The following RARB variants were observed in gnomAD, a reference collection of about 807,000 sequenced individuals.
RARB encodes the protein HBV-activated protein.
Under a neutral mutation model 51.9 loss-of-function variants are expected in RARB, and 17 were observed. The ratio of observed to expected loss-of-function variants is 0.33; its 90% CI spans 0.22 to 0.49. The LOEUF (loss-of-function observed/expected upper bound fraction) is 0.49, where lower values mean the gene tolerates loss of function less well. Ranked by LOEUF, RARB falls within the 20% of genes least tolerant of loss-of-function variation. The pLI is 0.99. For synonymous variants in RARB, 215 were observed against 195.4 expected, an observed-to-expected ratio of 1.10 and a Z score of -0.84; for missense variants, 369 against 550.8, an observed-to-expected ratio of 0.67 and a Z score of 3.30.
At chr3:25,500,236 C>T (rs530908029) in intron 2 of RARB, among the ~76,000 whole-genome samples, 2 of 152,124 alleles carry the variant, frequency 1.3e-5, no homozygotes, top group East Asian at 3.9e-4. Context: ...TTTAAGTAGC[C>T]TCATGTGACT....
chr3:24,925,754 A>G (rs558423471), intron 2 of RARB, among the ~76,000 whole-genome samples: 23 of 151,668 alleles, frequency 1.5e-4, no homozygotes, highest in African/African-American at 5.6e-4. Flanking sequence ...CTTTCTTAGA[A>G]TTTTCAGGTT....
chr3:25,421,721 A>T (rs531742966), intron 5 of RARB, among the ~76,000 whole-genome samples: 2 of 152,024 alleles, frequency 1.3e-5, no homozygotes, highest in African/African-American at 4.8e-5. Context: ...GACATTTCCT[A>T]AGTACTTGTA....
chr3:25,191,365 G>T (rs541867866), intron 5 of RARB, among the ~76,000 whole-genome samples: 5 of 152,102 alleles, frequency 3.3e-5, no homozygotes, highest in African/African-American at 9.6e-5. Flanking sequence ...AAAGAATTTT[G>T]TTTATTCCAC....
chr3:25,500,402 G>GA (rs1241599657), intron 2 of RARB, among the ~76,000 whole-genome samples: 1 of 142,868 alleles, frequency 7.0e-6, no homozygotes, highest in Non-Finnish European at 1.5e-5. Flanking sequence ...AGACTCCTTT[G>GA]AAAAAACTAA....
At chr3:25,317,438 T>A (rs976411761) in intron 5 of RARB, among the ~76,000 whole-genome samples, 5 of 152,180 alleles carry the variant, frequency 3.3e-5, no homozygotes, top group Admixed American at 2.0e-4. Context: ...CAAATACGTA[T>A]TTTAATCTTG....
intron 3 of RARB, among the ~76,000 whole-genome samples, chr3:25,122,595 C>T (rs1699801578): frequency 1.3e-5 from 2 of 152,098 alleles, no homozygotes. Flanking sequence ...GACAAGTTAG[C>T]TCTCTTGAAG....
intron 4 of RARB, among the ~76,000 whole-genome samples, chr3:25,163,915 C>A (rs1463316413): frequency 1.3e-5 from 2 of 152,136 alleles, no homozygotes; most frequent in Non-Finnish European, 2.9e-5. Flanking sequence ...ACTTTCCTGG[C>A]CATAGGTCTT....
At chr3:25,212,789 A>G (rs565889376) in intron 5 of RARB, among the ~76,000 whole-genome samples, 76 of 152,206 alleles carry the variant, frequency 5.0e-4, no homozygotes, top group African/African-American at 1.7e-3. Context: ...TATATTACAA[A>G]CCTATGATTG....
At chr3:24,939,476 T>C (rs1309884513) in intron 2 of RARB, among the ~76,000 whole-genome samples, 2 of 152,198 alleles carry the variant, frequency 1.3e-5, no homozygotes, top group Non-Finnish European at 2.9e-5. Context: ...TATTCTCTTG[T>C]ATATTACAAT....
intron 4 of RARB, among the ~76,000 whole-genome samples, chr3:25,577,655 A>T (rs1358650777): frequency 6.6e-6 from 1 of 152,224 alleles, no homozygotes; most frequent in Non-Finnish European, 1.5e-5. Context: ...CTCCAGTGGG[A>T]TTTAAAGATG....
At chr3:25,041,090 A>G (rs544423753) in intron 2 of RARB, among the ~76,000 whole-genome samples, 1 of 152,202 alleles carries the variant, frequency 6.6e-6, no homozygotes, top group African/African-American at 2.4e-5. Flanking sequence ...TCTTCTTACA[A>G]CTTAAAATGG....
At chr3:25,001,689 G>A (rs564098943) in intron 2 of RARB, among the ~76,000 whole-genome samples, 5 of 152,310 alleles carry the variant, frequency 3.3e-5, no homozygotes, top group East Asian at 1.9e-4. Context: ...TCTAACATGC[G>A]AAATGTTGAT....
chr3:25,030,734 C>G (rs1697853908), intron 2 of RARB, among the ~76,000 whole-genome samples: 1 of 152,180 alleles, frequency 6.6e-6, no homozygotes, highest in Non-Finnish European at 1.5e-5. Flanking sequence ...TGCTGAAGAT[C>G]TGGCTTTTAC....
intron 5 of RARB, among the ~76,000 whole-genome samples, chr3:25,321,124 T>A (rs1451245731): frequency 6.6e-6 from 1 of 152,198 alleles, no homozygotes; most frequent in African/African-American, 2.4e-5. Context: ...CAAGGCACAA[T>A]AAGTTTAGGA....
chr3:25,311,725 C>G (rs1559353253), intron 5 of RARB, among the ~76,000 whole-genome samples: 1 of 152,144 alleles, frequency 6.6e-6, no homozygotes, highest in Non-Finnish European at 1.5e-5. Context: ...GGGTTCCATT[C>G]TTCATGTAAG....
chr3:25,136,029 C>T (rs1196597224), intron 4 of RARB, among the ~76,000 whole-genome samples: 1 of 152,074 alleles, frequency 6.6e-6, no homozygotes, highest in Admixed American at 6.6e-5. Context: ...ACATGTTGAA[C>T]AATTCCTTAT....
chr3:25,441,343 G>C (rs1014771591), intron 1 of RARB: 3 of 362,534 alleles, frequency 8.3e-6, no homozygotes, highest in South Asian at 7.5e-5. Flanking sequence ...TGGAAGGGAA[G>C]TTTGCGAATC....
chr3:25,397,909 A>G (rs1264771779), intron 5 of RARB, among the ~76,000 whole-genome samples: 1 of 152,050 alleles, frequency 6.6e-6, no homozygotes, highest in East Asian at 1.9e-4. Context: ...ATTCTTACAT[A>G]CATTTCAAGG....
chr3:25,503,495 A>T (rs1697414765), intron 3 of RARB, among the ~76,000 whole-genome samples: 1 of 152,186 alleles, frequency 6.6e-6, no homozygotes, highest in African/African-American at 2.4e-5. Context: ...TGCTCTGTAA[A>T]AACTGGCAGC....
Sources: gnomAD v4.1 joint callset for allele counts (sites outside exome capture counted in the v4.1 genomes callset) on GRCh38, gnomAD v4.1.1 for gene constraint, MANE v1.5 for transcripts, NCBI Gene and HGNC (gene_info 2026-07-23, HGNC 2026-07-21) for gene names.